HMCN2: variants seen among roughly 807,000 people sequenced by gnomAD.
HMCN2 encodes hemicentin 2.
Under a neutral mutation model 377.5 loss-of-function variants are expected in HMCN2, and 325 were observed. The observed-to-expected ratio is 0.86, with a 90% CI of 0.79 to 0.94. The LOEUF (loss-of-function observed/expected upper bound fraction) is 0.94, where lower values mean the gene tolerates loss of function less well. HMCN2 is among the 40% of genes least tolerant of loss of function. The pLI is 0.00. For missense variants in HMCN2, 4,543 were observed against 4,725.3 expected, an observed-to-expected ratio of 0.96 and a Z score of 1.13; for synonymous variants, 2,007 against 2,046.8, an observed-to-expected ratio of 0.98 and a Z score of 0.53.
At chr9:130,316,509 C>T (rs1189819882) in intron 15 of HMCN2, among the ~76,000 whole-genome samples, 3 of 152,106 alleles carry the variant, frequency 2.0e-5, no homozygotes, top group African/African-American at 7.2e-5. Context: ...GGTGGCAGGC[C>T]CCTTTCACCA....
At position 130,398,573 on chromosome 9, in the gene HMCN2, C is replaced by T. The variant is rs751832364; in HGVS notation, c.11349C>T (p.Ser3783=). 18 of 1,263,420 alleles carry T rather than the reference C, an allele frequency of 1.4e-5. No individual in the cohort carries two copies. In the South Asian group the frequency reaches 1.9e-4, roughly 13 times the overall value. The allele number at this position is 1,263,420 out of a possible 1,614,324, so 78.3% of individuals were successfully genotyped here. A position where few individuals can be genotyped will look rare whatever the true frequency, so the allele number is the denominator to read the frequency against. Residue 3783 remains serine, a synonymous_variant, in exon 75 of 98, where the codon AGC becomes AGT. Transcript: ENST00000683500. ...CAGAGCCTCCAGCCATCGCCCCCAGCCCCTCCAACCTGACCCTGACCGCCC... is the reference window on the plus strand; with the variant it reads ...CAGAGCCTCCAGCCATCGCCCCCAGTCCCTCCAACCTGACCCTGACCGCCC... ...RVLEPPAIAP[S]PSNLTLTAHT...
At chr9:130,419,208 T>C (rs543999838) in intron 86 of HMCN2, 167 bp downstream of exon 86, 65 of 581,662 alleles carry the variant, frequency 1.1e-4, no homozygotes, top group Non-Finnish European at 8.0e-6. Flanking sequence ...CCGTTTACAG[T>C]TGGGTAAACT....
rs150120510 is a variant in HMCN2 at position 130,404,017 on chromosome 9, G to A, written c.12148+142G>A. The A allele has an allele frequency of 6.1e-3, 4,623 of 762,036 alleles. 22 individuals are homozygous for A. Among genetic ancestry groups the A allele is most frequent in the Non-Finnish European group, 6.8e-3 (3,836 of 560,484 alleles). The allele number at this position is 762,036 out of a possible 1,614,324, so 47.2% of individuals were successfully genotyped here. Reference sequence around the variant, plus strand: ...AAGGGGAAAACATCTCTCATTGTGCGCCTGAGTTCTGGTTTCAGACATAAA... The same window carrying A: ...AAGGGGAAAACATCTCTCATTGTGCACCTGAGTTCTGGTTTCAGACATAAA... On this transcript the variant is annotated intron_variant, in intron 80 of 97. Transcript: ENST00000683500.
At chr9:130,388,570 G>C in intron 62 of HMCN2, 30 bp downstream of exon 62, 1 of 987,810 alleles carries the variant, frequency 1.0e-6, no homozygotes, top group Non-Finnish European at 1.2e-6. Flanking sequence ...TCTGTTTCGC[G>C]TAAAGCATTC....
intron 31 of HMCN2, 21 bp from the exon 32 acceptor site, chr9:130,354,742 C>T (rs1393213361): frequency 8.6e-6 from 11 of 1,276,394 alleles, no homozygotes; most frequent in East Asian, 5.6e-5. Context: ...GTCCCCAAGC[C>T]GCCCCCTGCC....
chr9:130,361,017 T>G lies in HMCN2; in HGVS notation c.5950+413T>G, dbSNP rs745945874. Among the ~76,000 whole-genome samples the G allele has an allele frequency of 2.7e-5, 4 of 150,836 alleles. No homozygotes were observed. The highest frequency in any genetic ancestry group is 4.9e-5 in the African/African-American group (2 of 41,074). ...CCACCCTCCCATCCACCCACCCATCTATCCATCCATCCATCTACTACCCAT... is the reference window on the plus strand; with the variant it reads ...CCACCCTCCCATCCACCCACCCATCGATCCATCCATCCATCTACTACCCAT... On this transcript the variant is annotated intron_variant, in intron 38 of 97. Coordinates refer to ENST00000683500, the MANE Select transcript of HMCN2 (RefSeq NM_001291815.2). The surrounding 1 kb of genome is among the most constrained non-coding windows in gnomAD (Gnocchi z 4.8).
chr9:130,421,374 G>A (rs192541598), intron 86 of HMCN2, among the ~76,000 whole-genome samples: 15 of 152,306 alleles, frequency 9.8e-5, no homozygotes, highest in African/African-American at 3.6e-4. Flanking sequence ...GGCATGGGTG[G>A]GTGAAGGGAG....
intron 95 of HMCN2, 57 bp downstream of exon 95, chr9:130,430,661 T>C: frequency 6.8e-7 from 1 of 1,466,284 alleles, no homozygotes; most frequent in Admixed American, 2.3e-5. Context: ...CTTGGGCCCC[T>C]AGGGTGGGTG....
chr9:130,282,252 T>A lies in HMCN2; in HGVS notation c.260-2351T>A, dbSNP rs1554925993. On this transcript the variant is annotated intron_variant, in intron 1 of 97. Coordinates refer to ENST00000683500, the MANE Select transcript of HMCN2 (RefSeq NM_001291815.2). Reference sequence around the variant, plus strand: ...GCTGAGCCTTTGCTCCATGCCAAGCTGCGTGCTAAGCTCTGTGCCAGGGGT... The same window carrying A: ...GCTGAGCCTTTGCTCCATGCCAAGCAGCGTGCTAAGCTCTGTGCCAGGGGT... 1.3e-5 allele frequency among the ~76,000 whole-genome samples: 2 copies of A among 152,218 alleles called. 1 individual carries two copies. Among genetic ancestry groups the A allele is most frequent in the Admixed American group, 1.3e-4 (2 of 15,278 alleles).
At chr9:130,408,141 G>A (rs956937006) in intron 83 of HMCN2, among the ~76,000 whole-genome samples, 3 of 152,150 alleles carry the variant, frequency 2.0e-5, no homozygotes, top group African/African-American at 7.2e-5. Context: ...CGGTGACAAC[G>A]TGTCTTAGTT....
chr9:130,425,873 G>C lies in HMCN2; in HGVS notation c.13828G>C (p.Asp4610His). The C allele has an allele frequency of 3.9e-6, 6 of 1,550,304 alleles. No homozygotes were observed. The highest frequency in any genetic ancestry group is 5.2e-6 in the Non-Finnish European group (6 of 1,146,960). ...GGCCTCAGCTATCAGCTCGGCCTTT[G>C]ATCCAGAGGCCGAGGCCCTGCGCTT... ...LRASAISSAF[D>H]PEAEALRFQL... Residue 4610 changes from aspartate (D) to histidine (H), a missense_variant, in exon 90 of 98, where the codon GAT becomes CAT. By Grantham distance (81) the Asp-to-His change is moderately conservative. Transcript: ENST00000683500.
intron 22 of HMCN2, among the ~76,000 whole-genome samples, chr9:130,331,551 G>T (rs1838428420): frequency 6.6e-6 from 1 of 151,442 alleles, no homozygotes; most frequent in African/African-American, 2.4e-5. Context: ...AGAAGACCTG[G>T]GGTCCCATCC....
chr9:130,274,114 G>A (rs1161575453), intron 1 of HMCN2, among the ~76,000 whole-genome samples: 2 of 151,064 alleles, frequency 1.3e-5, no homozygotes, highest in Non-Finnish European at 2.9e-5. Flanking sequence ...GTGCAGTGGT[G>A]TGATCTTGAC....
At chr9:130,356,615 G>C (rs1363654938) in intron 34 of HMCN2, among the ~76,000 whole-genome samples, 1 of 152,194 alleles carries the variant, frequency 6.6e-6, no homozygotes, top group Admixed American at 6.5e-5. Context: ...TGCCTGCCTA[G>C]CTCCTTATCT....
chr9:130,370,286 A>G (rs1399558666), intron 45 of HMCN2, among the ~76,000 whole-genome samples: 3 of 152,064 alleles, frequency 2.0e-5, no homozygotes, highest in Admixed American at 6.6e-5. Context: ...GGTGAGTAGG[A>G]GTTAGGCAGC....
rs947502868 is a variant in HMCN2, at chr9:130,393,880, C to A, written c.10373C>A (p.Ser3458Tyr). 2 of 1,289,616 alleles carry A rather than the reference C, an allele frequency of 1.6e-6. No individual in the cohort carries two copies. Among genetic ancestry groups the A allele is most frequent in the Non-Finnish European group, 2.0e-6 (2 of 988,808 alleles). 79.9% of individuals were successfully genotyped at this position (1,289,616 alleles called of 1,614,324 possible). A position where few individuals can be genotyped will look rare whatever the true frequency, so the allele number is the denominator to read the frequency against. ...ATGAAGGATGGGGAACCCTTGTTGT[C>A]CCAGAGCCTCGAGCAGGGGCCCAGC... ...SWMKDGEPLL[S>Y]QSLEQGPSLQ... The change falls in exon 68 of 98, where the codon TCC (serine) becomes TAC (tyrosine). Residue 3458 changes from serine to tyrosine, a missense_variant. Around this residue, in one of 5 missense-constraint regions of HMCN2, gnomAD observed 1,073 missense variants for 1,319.5 expected, o/e 0.81. Transcript: ENST00000683500. The surrounding 1 kb of genome is among the most constrained non-coding windows in gnomAD (Gnocchi z 5.2).
intron 22 of HMCN2, among the ~76,000 whole-genome samples, chr9:130,335,792 A>C (rs954594904): frequency 1.5e-4 from 23 of 152,076 alleles, no homozygotes; most frequent in Non-Finnish European, 1.3e-4. Context: ...ACCCGCACCC[A>C]TCTGCTCTGC....
Position 130,422,055 on chromosome 9 carries a change from G to A in HMCN2, c.13232-522G>A, listed in dbSNP as rs534345380. Among the ~76,000 whole-genome samples the A allele has an allele frequency of 5.3e-4, 81 of 152,326 alleles. No individual in the cohort carries two copies. The highest frequency in any genetic ancestry group is 1.7e-3 in the African/African-American group (69 of 41,584). On this transcript the variant is annotated intron_variant, in intron 86 of 97. Coordinates refer to ENST00000683500, the MANE Select transcript of HMCN2 (RefSeq NM_001291815.2). This position sits in a 1 kb window ranked among gnomAD's most constrained non-coding sequence, Gnocchi z 4.2. Reference sequence around the variant, plus strand: ...AGCATCTGCTCACAGATGGCCTGGCGGGCAGCGGCTAGGAAACCAGCCCAC... The same window carrying A: ...AGCATCTGCTCACAGATGGCCTGGCAGGCAGCGGCTAGGAAACCAGCCCAC...
At chr9:130,419,122 ACCTGTCCCCTG>A in intron 86 of HMCN2, 81 bp downstream of exon 86, 1 of 1,317,566 alleles carries the variant, frequency 7.6e-7, no homozygotes, top group Non-Finnish European at 9.9e-7. Flanking sequence ...CTTATGGGAG[ACCTGTCCCCTG>A]CCTTGCCAGC....
Sources: gnomAD v4.1 joint callset for allele counts (sites outside exome capture counted in the v4.1 genomes callset) on GRCh38, gnomAD v4.1.1 for gene constraint, gnomAD v4.1.1 regional missense constraint, Gnocchi (gnomAD v3.1) non-coding constraint, MANE v1.5 for transcripts, NCBI Gene and HGNC (gene_info 2026-07-23, HGNC 2026-07-21) for gene names.